Variants in SLC6A16 observed in about 807,000 individuals in gnomAD.
SLC6A16 encodes the protein solute carrier family 6 member 16, also known as orphan sodium- and chloride-dependent neurotransmitter transporter NTT5.
SLC6A16 carries 54 observed loss-of-function variants against 65.4 expected under a neutral mutation model. The ratio of observed to expected loss-of-function variants is 0.83; its 90% confidence interval spans 0.66 to 1.04. SLC6A16 has a LOEUF of 1.04. SLC6A16 is among the 50% of genes least tolerant of loss of function. The pLI is 0.00. For synonymous variants in SLC6A16, 330 were observed against 346.5 expected (o/e 0.95, Z 0.53); for missense variants, 816 against 914.0 (o/e 0.89, Z 1.38).
intron 1 of SLC6A16, among the ~76,000 whole-genome samples, chr19:49,318,711 C>CA (rs1970655674): frequency 6.6e-6 from 1 of 152,016 alleles, no homozygotes; most frequent in South Asian, 2.1e-4. Flanking sequence ...GCTAGCTAGA[C>CA]AGACAGATAG....
chr19:49,328,924 T>C (rs1970822988), upstream of SLC6A16, among the ~76,000 whole-genome samples: 1 of 152,150 alleles, frequency 6.6e-6, no homozygotes, highest in South Asian at 2.1e-4. Context: ...CAGCACCAGG[T>C]GAGTGAACCA....
At chr19:49,306,694 C>CA (rs1970395194) in intron 7 of SLC6A16, among the ~76,000 whole-genome samples, 1 of 151,954 alleles carries the variant, frequency 6.6e-6, no homozygotes, top group South Asian at 2.1e-4. Context: ...AGGTGTGTGC[C>CA]ACCACGCCCG....
rs768793457 is a variant in SLC6A16 at position 49,321,143 on chromosome 19, A to G, written c.-65+3905T>C. Among the ~76,000 whole-genome samples the G allele has an allele frequency of 1.2e-4, 18 of 152,206 alleles. 1 individual carries two copies. Among genetic ancestry groups the G allele is most frequent in the Non-Finnish European group, 2.5e-4 (17 of 68,038 alleles). ...ATACTACCAAACCTAATTCAGCAGCATATTAAAAGGATTATATACCATGAC... is the reference window on the plus strand; with the variant it reads ...ATACTACCAAACCTAATTCAGCAGCGTATTAAAAGGATTATATACCATGAC... On this transcript the variant is annotated intron_variant, in intron 1 of 11. Transcript: ENST00000335875.
At chr19:49,334,721 C>A in the SLC6A16 span, among the ~76,000 whole-genome samples, 1 of 149,680 alleles carries the variant, frequency 6.7e-6, no homozygotes, top group Non-Finnish European at 1.5e-5. Flanking sequence ...AGCAAGACCC[C>A]ATTTCTACAA....
chr19:49,337,088 A>C, the SLC6A16 span: 1 of 1,613,702 alleles, frequency 6.2e-7, no homozygotes, highest in South Asian at 1.1e-5. Context: ...CACCCTCAAA[A>C]ATGGCCTGGG....
intron 7 of SLC6A16, among the ~76,000 whole-genome samples, chr19:49,302,498 G>C (rs1280407452): frequency 6.6e-6 from 1 of 152,134 alleles, no homozygotes; most frequent in Non-Finnish European, 1.5e-5. Context: ...CAGTGCCAGA[G>C]AGCACCACTC....
the SLC6A16 span, chr19:49,338,077 C>A: frequency 1.9e-6 from 3 of 1,599,886 alleles, no homozygotes; most frequent in Non-Finnish European, 2.6e-6. The surrounding 1 kb of genome is among the most constrained non-coding windows in gnomAD (Gnocchi z 5.0). Flanking sequence ...CGCCTCAGCC[C>A]TGTGCTTGGA....
upstream of SLC6A16, among the ~76,000 whole-genome samples, chr19:49,327,315 T>C (rs1170612779): frequency 6.6e-6 from 1 of 152,274 alleles, no homozygotes; most frequent in African/African-American, 2.4e-5. Context: ...CTTGAACTCC[T>C]GACCTCAGGT....
chr19:49,309,872 C>T (rs777815810), intron 4 of SLC6A16, 46 bp from the exon 5 acceptor site: 2 of 1,593,694 alleles, frequency 1.3e-6, no homozygotes, highest in Admixed American at 1.7e-5. Context: ...AAGGTACCCC[C>T]TCTTCTTCCT....
At chr19:49,301,459 T>G (rs993180067) in intron 7 of SLC6A16, among the ~76,000 whole-genome samples, 4 of 152,204 alleles carry the variant, frequency 2.6e-5, no homozygotes, top group African/African-American at 9.6e-5. Flanking sequence ...CCTAGTGGCC[T>G]GCTCAACACG....
Position 49,325,081 on chromosome 19 carries a change from C to T in SLC6A16, c.-98G>A. ...CAAGGCTTCTGCCAGGTTCTTCAGT[C>T]CAGCCAGTCGGACAAAAATGAGGGT... On this transcript the variant is annotated 5_prime_UTR_variant, in exon 1 of 12. Coordinates refer to ENST00000335875, the MANE Select transcript of SLC6A16 (RefSeq NM_014037.3). The T allele has an allele frequency of 2.0e-5, 20 of 985,660 alleles. No homozygotes were observed. The highest frequency in any genetic ancestry group is 1.1e-4 in the East Asian group (1 of 8,826). The allele number at this position is 985,660 out of a possible 1,614,324, so 61.1% of individuals were successfully genotyped here. A position where few individuals can be genotyped will look rare whatever the true frequency, so the allele number is the denominator to read the frequency against.
intron 7 of SLC6A16, among the ~76,000 whole-genome samples, chr19:49,306,634 C>T (rs2146115269): frequency 6.6e-6 from 1 of 151,498 alleles, no homozygotes; most frequent in Middle Eastern, 3.4e-3. Context: ...CCTCCACCTC[C>T]CAGGTTCAAG....
At chr19:49,320,339 C>T (rs561816077) in intron 1 of SLC6A16, among the ~76,000 whole-genome samples, 4 of 149,828 alleles carry the variant, frequency 2.7e-5, no homozygotes, top group East Asian at 3.9e-4. Context: ...ACCTAGGAGG[C>T]GGAGGTTGCA....
intron 1 of SLC6A16, among the ~76,000 whole-genome samples, chr19:49,314,095 C>CA (rs59789660): frequency 1.3e-4 from 18 of 139,736 alleles, no homozygotes; most frequent in East Asian, 1.0e-3. Context: ...GACTCCGTCT[C>CA]AAAAAAAAAA....
In SLC6A16 at chr19:49,290,062, T is replaced by C; in HGVS notation, c.*61A>G. On this transcript the variant is annotated 3_prime_UTR_variant, in exon 12 of 12. Transcript: ENST00000335875. Reference sequence around the variant, plus strand: ...GGAGATCAACAGTTGCAAGCTGATATTAAGAGTTGTCTATTGGATCTGTTC... The same window carrying C: ...GGAGATCAACAGTTGCAAGCTGATACTAAGAGTTGTCTATTGGATCTGTTC... 2 of 1,515,798 alleles carry C rather than the reference T, an allele frequency of 1.3e-6. No homozygotes were observed. Among genetic ancestry groups the C allele is most frequent in the East Asian group, 2.3e-5 (1 of 44,192 alleles). The allele number at this position is 1,515,798 out of a possible 1,614,324, so 93.9% of individuals were successfully genotyped here. A position where few individuals can be genotyped will look rare whatever the true frequency, so the allele number is the denominator to read the frequency against.
Position 49,290,259 on chromosome 19 carries a change from C to T in SLC6A16, c.2075G>A (p.Ser692Asn). The change falls in exon 12 of 12, where the codon AGC becomes AAC. Residue 692 changes from serine to asparagine, a missense_variant. By Grantham distance (46) the Ser-to-Asn change is conservative. Transcript: ENST00000335875. ...GGAGGCTGTCATAGGCCCGTCTCCG[C>T]TCTTGGGCCTGAAGGGAATCCTATG... ...RIHRIPFRPK[S>N]GDGPMTASTS... 1 of 1,614,110 alleles carries T rather than the reference C, an allele frequency of 6.2e-7. No individual in the cohort carries two copies. Among genetic ancestry groups the T allele is most frequent in the African/African-American group, 1.3e-5 (1 of 74,998 alleles).
At chr19:49,321,157 A>T (rs185492728) in intron 1 of SLC6A16, among the ~76,000 whole-genome samples, 2 of 152,200 alleles carry the variant, frequency 1.3e-5, no homozygotes, top group African/African-American at 4.8e-5. Context: ...TAAAAGGATT[A>T]TATACCATGA....
chr19:49,289,986 A>AC lies in SLC6A16; in HGVS notation c.*136dup, dbSNP rs1970042423. On this transcript the variant is annotated 3_prime_UTR_variant, in exon 12 of 12. Coordinates refer to ENST00000335875, the MANE Select transcript of SLC6A16 (RefSeq NM_014037.3). Reference sequence around the variant, plus strand: ...GATTGCAAGTCCAGGCCCCATGAACACCCCCAAAGAATGCCCCTCCTCTTG... The same window carrying AC: ...GATTGCAAGTCCAGGCCCCATGAACACCCCCCAAAGAATGCCCCTCCTCTTG... 2 of 844,730 alleles carry AC rather than the reference A, an allele frequency of 2.4e-6. No individual in the cohort carries two copies. 52.3% of individuals were successfully genotyped at this position (844,730 alleles called of 1,614,324 possible). A position where few individuals can be genotyped will look rare whatever the true frequency, so the allele number is the denominator to read the frequency against.
intron 4 of SLC6A16, 105 bp from the exon 5 acceptor site, chr19:49,309,931 TC>T (rs1970479171): frequency 6.6e-7 from 1 of 1,506,404 alleles, no homozygotes. Context: ...CATTTCTTTT[TC>T]CTTCTTCTTC....
Sources: gnomAD v4.1 joint callset for allele counts (sites outside exome capture counted in the v4.1 genomes callset) on GRCh38, gnomAD v4.1.1 for gene constraint, Gnocchi (gnomAD v3.1) non-coding constraint, MANE v1.5 for transcripts, NCBI Gene and HGNC (gene_info 2026-07-23, HGNC 2026-07-21) for gene names.